The following PPP1R42 variants were observed in gnomAD, a reference collection of about 807,000 sequenced individuals.
PPP1R42 encodes the protein protein phosphatase 1 regulatory subunit 42, also known as leucine rich repeat containing 67.
PPP1R42 carries 34 observed loss-of-function variants against 31.0 expected under a neutral mutation model. The observed-to-expected ratio is 1.10, with a 90% confidence interval of 0.83 to 1.46. The LOEUF is 1.46. Ranked by LOEUF, PPP1R42 falls within the 40% of genes most tolerant of loss-of-function variation. PPP1R42 has a pLI of 0.00. For synonymous variants in PPP1R42, 103 were observed against 109.8 expected (o/e 0.94, Z 0.39); for missense variants, 268 against 303.0 (o/e 0.88, Z 0.86).
At chr8:66,987,694 A>G (rs982976009) in intron 6 of PPP1R42, among the ~76,000 whole-genome samples, 2 of 152,170 alleles carry the variant, frequency 1.3e-5, no homozygotes, top group African/African-American at 4.8e-5. Context: ...TTTCATTTTA[A>G]TAAGTTTCTC....
chr8:67,013,195 A>G (rs1490534379), intron 3 of PPP1R42, 99 bp from the exon 4 acceptor site: 1 of 924,400 alleles, frequency 1.1e-6, no homozygotes, highest in Non-Finnish European at 1.6e-6. Flanking sequence ...TGAGCTGAAC[A>G]AAATTATAAA....
At chr8:66,996,310 C>T (rs1815333661) in intron 5 of PPP1R42, among the ~76,000 whole-genome samples, 1 of 152,208 alleles carries the variant, frequency 6.6e-6, no homozygotes, top group Non-Finnish European at 1.5e-5. Context: ...CCTTGGCCTC[C>T]CAAAGTGCTG....
chr8:66,965,308 T>C, intron 7 of PPP1R42, among the ~76,000 whole-genome samples: 2 of 152,080 alleles, frequency 1.3e-5, no homozygotes, highest in Middle Eastern at 6.8e-3. Context: ...TTCCCAGTTT[T>C]TGGTGATTAT....
chr8:67,014,576 C>T lies in PPP1R42; in HGVS notation c.146G>A (p.Cys49Tyr). 2.0e-6 allele frequency: 3 copies of T among 1,525,960 alleles called. No individual in the cohort carries two copies. Among genetic ancestry groups the T allele is most frequent in the South Asian group, 2.5e-5 (2 of 79,798 alleles). 94.5% of individuals were successfully genotyped at this position (1,525,960 alleles called of 1,614,324 possible). The change falls in exon 3 of 8, where the codon TGC becomes TAC. Residue 49 changes from cysteine to tyrosine, a missense_variant. Transcript: ENST00000685739. ...TAAATATAAAACACTAAGATTTTTG[C>T]AAAGAGAGAGGTCTTCCTAAAAGGG... ...NIDAIEDLSL[C>Y]KNLSVLYLYD...
chr8:67,010,854 A>G (rs779347671), intron 4 of PPP1R42, 23 bp from the exon 5 acceptor site: 2 of 1,555,032 alleles, frequency 1.3e-6, no homozygotes, highest in East Asian at 4.5e-5. Context: ...TAACGAAGTT[A>G]GCATTAGTAA....
intron 4 of PPP1R42, among the ~76,000 whole-genome samples, chr8:67,011,108 AAAG>A (rs1462407766): frequency 1.9e-4 from 29 of 152,328 alleles, no homozygotes; most frequent in African/African-American, 6.7e-4. Flanking sequence ...CTTATAGAAT[AAAG>A]AAGCCAAGAA....
chr8:66,979,475 G>A lies in PPP1R42; in HGVS notation c.802+2574C>T, dbSNP rs138752916. On this transcript the variant is annotated intron_variant, in intron 7 of 7. Coordinates refer to ENST00000685739, the MANE Select transcript of PPP1R42 (RefSeq NM_001364910.1). ...CATTTGAGCCTGGGAGATCGAGGCT[G>A]TAGTGAGCTGTGATCCAACATATGT... 4.4e-3 allele frequency among the ~76,000 whole-genome samples: 677 copies of A among 152,324 alleles called. 3 individuals carry two copies. The highest frequency in any genetic ancestry group is 0.015 in the African/African-American group (643 of 41,570).
intron 5 of PPP1R42, among the ~76,000 whole-genome samples, chr8:67,009,226 C>T (rs1293352151): frequency 6.6e-6 from 1 of 151,836 alleles, no homozygotes; most frequent in East Asian, 1.9e-4. Context: ...CCCAAGATCA[C>T]GCCACTGCAC....
chr8:67,002,737 A>ATTT (rs1815536287), intron 5 of PPP1R42, among the ~76,000 whole-genome samples: 1 of 96,676 alleles, frequency 1.0e-5, no homozygotes, highest in African/African-American at 4.1e-5. Context: ...TTTTTTTTTC[A>ATTT]GTGTTTTTTT....
intron 2 of PPP1R42, among the ~76,000 whole-genome samples, chr8:67,016,177 G>T (rs1457425680): frequency 6.6e-6 from 1 of 152,138 alleles, no homozygotes; most frequent in Non-Finnish European, 1.5e-5. Flanking sequence ...AGCTGGGTTG[G>T]GGTCCCTACA....
At chr8:66,971,118 A>G in intron 7 of PPP1R42, 1 of 1,525,368 alleles carries the variant, frequency 6.6e-7, no homozygotes. Flanking sequence ...CAGGAACTAT[A>G]TGATGCATTG....
chr8:67,013,526 C>CTAAATAAA (rs57947189), intron 3 of PPP1R42, among the ~76,000 whole-genome samples: 3,949 of 146,168 alleles, frequency 0.027, 158 homozygotes, highest in African/African-American at 0.084. Flanking sequence ...GATCCCATCT[C>CTAAATAAA]TAAATAAATA....
chr8:66,976,974 G>T (rs1336915772), intron 7 of PPP1R42, among the ~76,000 whole-genome samples: 2 of 150,874 alleles, frequency 1.3e-5, no homozygotes, highest in Non-Finnish European at 2.9e-5. Flanking sequence ...TTAATTCAAG[G>T]AATTTTTTTA....
rs563313095 is a variant in PPP1R42 at position 67,007,144 on chromosome 8, C to T, written c.552+3571G>A. ...CCACCCACTTCAGCCTCCCAAAGTG[C>T]AGGGATTACAGGCGTGAGCCACTGT... On this transcript the variant is annotated intron_variant, in intron 5 of 7. Transcript: ENST00000685739. Among the ~76,000 whole-genome samples the T allele has an allele frequency of 1.6e-4, 25 of 152,068 alleles. No individual in the cohort carries two copies. In the South Asian group the frequency reaches 3.1e-3, roughly 19 times the overall value.
chr8:67,022,537 A>G (rs1232088756), intron 1 of PPP1R42, among the ~76,000 whole-genome samples: 2 of 152,064 alleles, frequency 1.3e-5, no homozygotes, highest in East Asian at 3.8e-4. Context: ...AATATAGTCA[A>G]ATGTATCACT....
At chr8:66,975,518 C>T (rs539205864) in intron 7 of PPP1R42, among the ~76,000 whole-genome samples, 100 of 151,260 alleles carry the variant, frequency 6.6e-4, no homozygotes, top group Non-Finnish European at 1.2e-3. Flanking sequence ...TGGTGGCACA[C>T]GCCTGTAATC....
intron 1 of PPP1R42, among the ~76,000 whole-genome samples, chr8:67,021,609 C>T (rs1816220135): frequency 6.6e-6 from 1 of 152,010 alleles, no homozygotes; most frequent in Non-Finnish European, 1.5e-5. Flanking sequence ...CACCTATGGA[C>T]CCACAGGTCA....
At chr8:66,970,322 G>A (rs894098602) in intron 7 of PPP1R42, among the ~76,000 whole-genome samples, 2 of 151,454 alleles carry the variant, frequency 1.3e-5, no homozygotes, top group African/African-American at 2.4e-5. Flanking sequence ...TTTTTGTAGA[G>A]AAGGGGTTTC....
Position 66,964,266 on chromosome 8 carries a change from TG to T in PPP1R42, c.*54del. 8.0e-7 allele frequency: 1 copy of T among 1,250,194 alleles called. No homozygotes were observed. The highest frequency in any genetic ancestry group is 1.0e-6 in the Non-Finnish European group (1 of 954,086). 77.4% of individuals were successfully genotyped at this position (1,250,194 alleles called of 1,614,324 possible). ...CAAATTTTCTTTTTCTTCTGGGTTA[TG>T]GAAGAGGTGAGGTTCATGCACATCA... On this transcript the variant is annotated 3_prime_UTR_variant, in exon 8 of 8. Coordinates refer to ENST00000685739, the MANE Select transcript of PPP1R42 (RefSeq NM_001364910.1).
Sources: gnomAD v4.1 joint callset for allele counts (sites outside exome capture counted in the v4.1 genomes callset) on GRCh38, gnomAD v4.1.1 for gene constraint, MANE v1.5 for transcripts, NCBI Gene and HGNC (gene_info 2026-07-23, HGNC 2026-07-21) for gene names.